NRXN3: variants seen among roughly 807,000 people sequenced by gnomAD.
NRXN3 encodes the protein neurexin 3, also known as neurexin III.
In NRXN3, 32 loss-of-function variants were observed where a neutral mutation model predicts 137.6. That is an observed-to-expected ratio of 0.23 (90% CI 0.18 to 0.31). NRXN3 has a LOEUF of 0.31. NRXN3 is among the 10% of genes least tolerant of loss of function. NRXN3 has a pLI of 1.00. For synonymous variants in NRXN3, 798 were observed against 784.5 expected (o/e 1.02, Z -0.29); for missense variants, 1,574 against 2,062.5 (o/e 0.76, Z 4.59).
chr14:79,156,982 G>A (rs2060310112), intron 15 of NRXN3, among the ~76,000 whole-genome samples: 1 of 151,674 alleles, frequency 6.6e-6, no homozygotes, highest in Admixed American at 6.6e-5. Flanking sequence ...GACAATAAAA[G>A]GTATTTCCAG....
At chr14:78,542,584 G>A (rs1307314069) in intron 4 of NRXN3, among the ~76,000 whole-genome samples, 1 of 152,168 alleles carries the variant, frequency 6.6e-6, no homozygotes. Context: ...TTTTTTCCAG[G>A]TAGTCTGTCA....
intron 4 of NRXN3, among the ~76,000 whole-genome samples, chr14:78,470,472 G>C (rs541816152): frequency 6.1e-4 from 92 of 151,908 alleles, no homozygotes; most frequent in African/African-American, 2.2e-3. Flanking sequence ...CATAATCCTC[G>C]TCAGTAATCA....
At chr14:79,611,067 C>T (rs996429022) in intron 16 of NRXN3, among the ~76,000 whole-genome samples, 1 of 152,114 alleles carries the variant, frequency 6.6e-6, no homozygotes, top group African/African-American at 2.4e-5. Context: ...TGATGGAATG[C>T]GTCAACTTTT....
chr14:78,185,533 G>A (rs1358507581), intron 1 of NRXN3, among the ~76,000 whole-genome samples: 1 of 152,182 alleles, frequency 6.6e-6, no homozygotes, highest in East Asian at 1.9e-4. Context: ...GATTCAGTTA[G>A]GATGATCCCT....
chr14:78,380,592 G>A (rs2088891792), intron 4 of NRXN3, among the ~76,000 whole-genome samples: 1 of 152,128 alleles, frequency 6.6e-6, no homozygotes, highest in Non-Finnish European at 1.5e-5. Flanking sequence ...GAAGCTGGAG[G>A]AATTAAGAAA....
chr14:78,778,728 T>TTCTTTCTTTCTTTCTTTCTTTCTC (rs1245682728), intron 8 of NRXN3, among the ~76,000 whole-genome samples: 1 of 134,674 alleles, frequency 7.4e-6, no homozygotes, highest in Non-Finnish European at 1.6e-5. Context: ...CTTTCTTTCT[T>TTCTTTCTTTCTTTCTTTCTTTCTC]TCTCTCTCTC....
chr14:79,519,260 C>G (rs2097031732), intron 16 of NRXN3, among the ~76,000 whole-genome samples: 1 of 152,040 alleles, frequency 6.6e-6, no homozygotes, highest in Non-Finnish European at 1.5e-5. Flanking sequence ...TGCTTATTTT[C>G]CACTTACTAT....
chr14:78,543,239 G>A (rs952532015), intron 4 of NRXN3, among the ~76,000 whole-genome samples: 3 of 152,098 alleles, frequency 2.0e-5, no homozygotes, highest in African/African-American at 4.8e-5. Context: ...ATGAATTGAT[G>A]CATTCATGAT....
At chr14:79,540,643 T>C (rs1322440275) in intron 16 of NRXN3, among the ~76,000 whole-genome samples, 1 of 152,052 alleles carries the variant, frequency 6.6e-6, no homozygotes, top group Non-Finnish European at 1.5e-5. Context: ...AAAAGTAAAA[T>C]AGCCTGGATC....
At position 79,864,366 on chromosome 14, in the gene NRXN3, A is replaced by G. The variant is rs1423355124; in HGVS notation, c.*2402A>G. ...TTTTTCTTTTTTCTTTTCTTAGTTC[A>G]TATTTGCATTTTCGTTCAAGGATAT... is the stretch of plus-strand genomic sequence containing the variant. On this transcript the variant is annotated 3_prime_UTR_variant, in exon 21 of 21. Transcript: ENST00000335750. 1 of 152,424 alleles carries G rather than the reference A, an allele frequency of 6.6e-6. No individual in the cohort carries two copies. The highest frequency in any genetic ancestry group is 1.5e-5 in the Non-Finnish European group (1 of 67,990). 9.4% of individuals were successfully genotyped at this position (152,424 alleles called of 1,614,324 possible).
intron 6 of NRXN3, among the ~76,000 whole-genome samples, chr14:78,707,370 A>G (rs1462386450): frequency 6.6e-6 from 1 of 152,136 alleles, no homozygotes; most frequent in Admixed American, 6.5e-5. Flanking sequence ...TTTCCCTTCC[A>G]TTGTTTTCTG....
intron 16 of NRXN3, among the ~76,000 whole-genome samples, chr14:79,608,537 A>G (rs2098053664): frequency 6.6e-6 from 1 of 152,146 alleles, no homozygotes; most frequent in African/African-American, 2.4e-5. Context: ...CTGTGTCACC[A>G]TTTTTAGTAG....
intron 15 of NRXN3, among the ~76,000 whole-genome samples, chr14:79,298,055 C>G (rs1256287724): frequency 6.6e-6 from 1 of 151,934 alleles, no homozygotes; most frequent in Non-Finnish European, 1.5e-5. Flanking sequence ...TCATTTCTGT[C>G]TATTTTTTAA....
intron 6 of NRXN3, among the ~76,000 whole-genome samples, chr14:78,664,870 T>C (rs1237603569): frequency 6.6e-6 from 1 of 152,238 alleles, no homozygotes; most frequent in East Asian, 1.9e-4. Context: ...TGGGAAATAT[T>C]CTTCAATAAA....
chr14:79,827,267 G>A (rs2099307167), intron 20 of NRXN3, among the ~76,000 whole-genome samples: 1 of 152,084 alleles, frequency 6.6e-6, no homozygotes, highest in East Asian at 1.9e-4. Flanking sequence ...TAGGAATGTA[G>A]AGAAGGATGA....
At chr14:78,735,922 CTG>C (rs922659687) in intron 8 of NRXN3, among the ~76,000 whole-genome samples, 4 of 152,274 alleles carry the variant, frequency 2.6e-5, no homozygotes, top group East Asian at 3.9e-4. Context: ...AGATGGAAAA[CTG>C]TGACCAGCAC....
chr14:78,399,964 T>A lies in NRXN3; in HGVS notation c.757+102104T>A, dbSNP rs556552419. 2.0e-5 allele frequency among the ~76,000 whole-genome samples: 3 copies of A among 152,368 alleles called. No individual in the cohort carries two copies. The East Asian group carries it at 5.8e-4, about 29-fold the overall frequency. On this transcript the variant is annotated intron_variant, in intron 4 of 20. Transcript: ENST00000335750. ...TGTAACTAGGGGAAATTTTCTCACA[T>A]CATTTATCTATACTACATTTACTAT...
chr14:78,967,068 A>G (rs2099418984), intron 12 of NRXN3, 140 bp from the exon 13 acceptor site: 2 of 679,362 alleles, frequency 2.9e-6, no homozygotes, highest in East Asian at 2.7e-5. Context: ...TTGTAACCTC[A>G]TATCAAGATT....
At chr14:79,484,485 A>T (rs1230587350) in intron 16 of NRXN3, among the ~76,000 whole-genome samples, 1 of 152,186 alleles carries the variant, frequency 6.6e-6, no homozygotes, top group Non-Finnish European at 1.5e-5. Context: ...TGAAAATCGG[A>T]AGGTTTAACT....
Sources: gnomAD v4.1 joint callset for allele counts (sites outside exome capture counted in the v4.1 genomes callset) on GRCh38, gnomAD v4.1.1 for gene constraint, MANE v1.5 for transcripts, NCBI Gene and HGNC (gene_info 2026-07-23, HGNC 2026-07-21) for gene names.